The following SH3KBP1 variants were observed in gnomAD, a reference collection of about 807,000 sequenced individuals.
The protein encoded by SH3KBP1 is SH3 domain containing kinase binding protein 1, also known as SH3 domain-containing kinase-binding protein 1.
In SH3KBP1, 8 loss-of-function variants were observed where a neutral mutation model predicts 50.1. The ratio of observed to expected loss-of-function variants is 0.16; its 90% CI spans 0.09 to 0.29. SH3KBP1 has a LOEUF of 0.29. Ranked by LOEUF, SH3KBP1 falls within the 10% of genes least tolerant of loss-of-function variation. The probability of loss-of-function intolerance (pLI) is 1.00; values close to 1 mark genes in which losing one functional copy is unlikely to be tolerated. For synonymous variants in SH3KBP1, 227 were observed against 218.6 expected (o/e 1.04, Z -0.34); for missense variants, 377 against 535.2 (o/e 0.70, Z 2.92).
chrX:19,839,161 A>G (rs1410153375), intron 1 of SH3KBP1, among the ~76,000 whole-genome samples: 2 of 109,761 alleles, frequency 1.8e-5, no homozygotes, highest in Admixed American at 2.0e-4. Flanking sequence ...AAATGTCTTC[A>G]TTTTTCCACC....
At chrX:19,651,675 A>G (rs1249098773) in intron 6 of SH3KBP1, among the ~76,000 whole-genome samples, 1 of 112,322 alleles carries the variant, frequency 8.9e-6, no homozygotes, top group African/African-American at 3.2e-5. Flanking sequence ...TGTCAGATTC[A>G]CAGCTGCTGT....
Position 19,595,027 on chromosome X carries a change from C to T in SH3KBP1, c.1006-27G>A, listed in dbSNP as rs779638859. 13 of 1,083,925 alleles carry T rather than the reference C, an allele frequency of 1.2e-5. No individual in the cohort carries two copies. In the East Asian group the frequency reaches 2.7e-4, roughly 23 times the overall value. The allele number at this position is 1,083,925 out of a possible 1,213,427, so 89.3% of individuals were successfully genotyped here. A position where few individuals can be genotyped will look rare whatever the true frequency, so the allele number is the denominator to read the frequency against. ...TGAAAAATTAATAAAAATTATACCA[C>T]ATGAGATTGTTGGCAAGCCTGTCCT... is the stretch of plus-strand genomic sequence containing the variant. On this transcript the variant is annotated intron_variant, in intron 9 of 17. Coordinates refer to ENST00000397821, the MANE Select transcript of SH3KBP1 (RefSeq NM_031892.3).
intron 2 of SH3KBP1, among the ~76,000 whole-genome samples, chrX:19,751,327 A>ACC: frequency 9.1e-6 from 1 of 109,722 alleles, no homozygotes; most frequent in Middle Eastern, 4.6e-3. Context: ...GGGTTCCTAG[A>ACC]CCCCCGTCTT....
Position 19,731,892 on chromosome X carries a change from GCAGCCCC to G in SH3KBP1, c.286+14419_286+14425del, listed in dbSNP as rs2064389540. On this transcript the variant is annotated intron_variant, in intron 3 of 17. Coordinates refer to ENST00000397821, the MANE Select transcript of SH3KBP1 (RefSeq NM_031892.3). The stretch of plus-strand genomic sequence containing the variant: ...TAAAAATGCATTAATAGAATGAAAT[GCAGCCCC>G]AAATATATAAAAAAATTCATTTAAG... Among the ~76,000 whole-genome samples, 2 of 111,600 alleles carry G rather than the reference GCAGCCCC, an allele frequency of 1.8e-5. 1 individual carries two copies. The highest frequency in any genetic ancestry group is 7.4e-4 in the South Asian group (2 of 2,718).
chrX:19,683,793 T>G, intron 6 of SH3KBP1, 30 bp downstream of exon 6: 1 of 1,175,856 alleles, frequency 8.5e-7, no homozygotes, highest in Non-Finnish European at 1.2e-6. Context: ...CCACATTAAG[T>G]TGAAATCAAA....
At chrX:19,642,418 C>A (rs906365840) in intron 7 of SH3KBP1, among the ~76,000 whole-genome samples, 16 of 111,707 alleles carry the variant, frequency 1.4e-4, no homozygotes, top group African/African-American at 4.2e-4. Flanking sequence ...GTATGAGTGT[C>A]CAGTTAGGAA....
intron 1 of SH3KBP1, among the ~76,000 whole-genome samples, chrX:19,840,991 T>C (rs918426234): frequency 8.9e-6 from 1 of 111,840 alleles, no homozygotes; most frequent in Non-Finnish European, 1.9e-5. Flanking sequence ...CCAGGGGAGA[T>C]AAGAGATCTG....
intron 16 of SH3KBP1, among the ~76,000 whole-genome samples, chrX:19,541,680 C>G (rs1211561512): frequency 1.8e-5 from 2 of 112,513 alleles, no homozygotes; most frequent in African/African-American, 6.5e-5. Context: ...GGACTCATCC[C>G]TCTATGCCCC....
rs2065195265 is a variant in SH3KBP1 at position 19,550,061 on chromosome X, C to T, written c.1407G>A (p.Val469=). The part of the protein sequence containing the change: ...NDIDLEGFDS[V]VSSTEKLSHP... Reference sequence around the variant, plus strand: ...GACTGAGTTTCTCAGTAGATGATACCACGGAGTCAAAACCTTCTAAGTCTA... The same window carrying T: ...GACTGAGTTTCTCAGTAGATGATACTACGGAGTCAAAACCTTCTAAGTCTA... The change falls in exon 14 of 18, where the codon GTG becomes GTA. Residue 469 remains valine (V), a synonymous_variant. Transcript: ENST00000397821. 2.3e-5 allele frequency: 28 copies of T among 1,205,097 alleles called. No individual in the cohort carries two copies. Among genetic ancestry groups the T allele is most frequent in the Non-Finnish European group, 2.9e-5 (26 of 892,243 alleles).
intron 4 of SH3KBP1, among the ~76,000 whole-genome samples, chrX:19,701,598 G>T (rs780946080): frequency 1.8e-5 from 2 of 111,892 alleles, no homozygotes; most frequent in Non-Finnish European, 3.8e-5. Flanking sequence ...TGCATCTTCA[G>T]TTGAAACCTC....
At chrX:19,867,975 G>T (rs1214526220) in intron 1 of SH3KBP1, among the ~76,000 whole-genome samples, 1 of 111,224 alleles carries the variant, frequency 9.0e-6, no homozygotes, top group Non-Finnish European at 1.9e-5. Context: ...CAACATGAGG[G>T]ATTAGGGCTG....
intron 3 of SH3KBP1, among the ~76,000 whole-genome samples, chrX:19,729,945 G>A (rs1171908752): frequency 8.9e-6 from 1 of 111,818 alleles, no homozygotes; most frequent in Non-Finnish European, 1.9e-5. Flanking sequence ...CATTTCTAGT[G>A]TATGCTGGTT....
intron 5 of SH3KBP1, among the ~76,000 whole-genome samples, chrX:19,692,003 T>C (rs1045572952): frequency 9.8e-5 from 11 of 112,029 alleles, no homozygotes; most frequent in Non-Finnish European, 1.7e-4. Context: ...ATTATTATTT[T>C]TGTTGATGTT....
intron 9 of SH3KBP1, among the ~76,000 whole-genome samples, chrX:19,596,506 A>G (rs1057057244): frequency 8.9e-6 from 1 of 111,788 alleles, no homozygotes; most frequent in Non-Finnish European, 1.9e-5. Flanking sequence ...GACTGTAGCA[A>G]TTCCTTAAAA....
intron 12 of SH3KBP1, among the ~76,000 whole-genome samples, chrX:19,586,751 C>T (rs1265089823): frequency 8.9e-6 from 1 of 111,782 alleles, no homozygotes; most frequent in Non-Finnish European, 1.9e-5. Context: ...TCACACGCAC[C>T]TGAGATGACC....
chrX:19,658,235 C>A (rs2148466909), intron 6 of SH3KBP1, among the ~76,000 whole-genome samples: 1 of 111,769 alleles, frequency 8.9e-6, no homozygotes, highest in African/African-American at 3.3e-5. Context: ...TGAGGTGAGT[C>A]AGAGAACAAA....
At chrX:19,828,860 G>T (rs1603268533) in intron 2 of SH3KBP1, among the ~76,000 whole-genome samples, 3 of 111,976 alleles carry the variant, frequency 2.7e-5, no homozygotes, top group Middle Eastern at 9.2e-3. Context: ...CTGGGAGATT[G>T]GGTTCTGTGC....
At chrX:19,628,221 C>T (rs763257430) in intron 8 of SH3KBP1, among the ~76,000 whole-genome samples, 2 of 112,077 alleles carry the variant, frequency 1.8e-5, no homozygotes, top group Non-Finnish European at 3.8e-5. Context: ...ACCTACTTAA[C>T]GTCATGGCAT....
intron 12 of SH3KBP1, among the ~76,000 whole-genome samples, chrX:19,577,868 C>T (rs754957184): frequency 1.8e-4 from 20 of 111,381 alleles, no homozygotes; most frequent in African/African-American, 6.5e-4. Flanking sequence ...TTGGCAGCAA[C>T]ACACCCCTCT....
Sources: gnomAD v4.1 joint callset for allele counts (sites outside exome capture counted in the v4.1 genomes callset) on GRCh38, gnomAD v4.1.1 for gene constraint, MANE v1.5 for transcripts, NCBI Gene and HGNC (gene_info 2026-07-23, HGNC 2026-07-21) for gene names.